Variants in TLE1 observed in about 807,000 individuals in gnomAD.
TLE1 encodes the protein TLE family member 1, transcriptional corepressor.
TLE1 carries 21 observed loss-of-function variants against 89.8 expected under a neutral mutation model. The observed-to-expected ratio is 0.23, with a 90% CI of 0.17 to 0.34. The LOEUF (loss-of-function observed/expected upper bound fraction) is 0.34. Among genes scored for constraint, TLE1 ranks in the 10% least tolerant of loss-of-function variants. The pLI is 1.00. For missense variants in TLE1, 795 were observed against 1,031.2 expected (o/e 0.77, Z 3.14); for synonymous variants, 447 against 407.6 (o/e 1.10, Z -1.16).
intron 2 of TLE1, among the ~76,000 whole-genome samples, chr9:81,686,197 C>T (rs1402083193): frequency 6.6e-6 from 1 of 152,196 alleles, no homozygotes; most frequent in African/African-American, 2.4e-5. Context: ...CCCTACCTTC[C>T]TGCATCAGTT....
intron 6 of TLE1, among the ~76,000 whole-genome samples, chr9:81,634,597 C>T (rs757562634): frequency 1.3e-5 from 2 of 152,120 alleles, no homozygotes; most frequent in Non-Finnish European, 2.9e-5. Context: ...TCACTCACTC[C>T]GAGAGGGGAG....
intron 14 of TLE1, among the ~76,000 whole-genome samples, chr9:81,593,536 C>T (rs1829830237): frequency 6.6e-6 from 1 of 152,072 alleles, no homozygotes. Flanking sequence ...ATTGTTCTTA[C>T]CCATTCTGTA....
rs773745224 is a variant in TLE1 at position 81,613,380 on chromosome 9, C to A, written c.1060G>T (p.Ala354Ser). The stretch of plus-strand genomic sequence containing the variant: ...ACAACAAGAGGCGATGCTGTACCCG[C>A]TTGGTTAACGAGGGGGTCTATGGCT... ...PPAIDPLVNQ[A>S]AAGLRTPLAV... Residue 354 changes from alanine to serine, a missense_variant, in exon 12 of 20, where the codon GCG becomes TCG. Physicochemically the swap from Ala to Ser is moderately conservative, Grantham distance 99. Transcript: ENST00000376499. 6.2e-7 allele frequency: 1 copy of A among 1,613,792 alleles called. No individual in the cohort carries two copies. Among genetic ancestry groups the A allele is most frequent in the South Asian group, 1.1e-5 (1 of 91,032 alleles).
intron 16 of TLE1, among the ~76,000 whole-genome samples, chr9:81,589,842 C>T (rs1829222917): frequency 6.6e-6 from 1 of 152,152 alleles, no homozygotes; most frequent in Non-Finnish European, 1.5e-5. Flanking sequence ...CCATTTTGCT[C>T]ACCTACACTA....
intron 4 of TLE1, among the ~76,000 whole-genome samples, chr9:81,679,034 G>C (rs763411738): frequency 2.6e-5 from 4 of 152,118 alleles, no homozygotes; most frequent in Admixed American, 6.5e-5. Context: ...TGTAATCCCA[G>C]CTATTCCAGA....
chr9:81,612,467 T>C (rs1416779039), intron 12 of TLE1: 5 of 722,568 alleles, frequency 6.9e-6, no homozygotes, highest in Non-Finnish European at 8.5e-6. Flanking sequence ...GCCCAGGTTG[T>C]TGCTTTTTTC....
intron 16 of TLE1, among the ~76,000 whole-genome samples, chr9:81,590,232 A>G (rs1430622097): frequency 1.3e-5 from 2 of 152,224 alleles, no homozygotes; most frequent in African/African-American, 4.8e-5. Flanking sequence ...GGGTACCAGA[A>G]CTGCAGCTGC....
Position 81,623,568 on chromosome 9 carries a change from A to G in TLE1, c.595-3011T>C, listed in dbSNP as rs1253268512. Among the ~76,000 whole-genome samples, 3 of 151,116 alleles carry G rather than the reference A, an allele frequency of 2.0e-5. No individual in the cohort carries two copies. The East Asian group carries it at 5.9e-4, about 30-fold the overall frequency. On this transcript the variant is annotated intron_variant, in intron 8 of 19. Transcript: ENST00000376499. ...CCGAGGCAGGCAGATCGCCTGTGAA[A>G]AGGAGTTCGAGACCAGCCTGGCCAA...
intron 11 of TLE1, among the ~76,000 whole-genome samples, chr9:81,615,581 C>T (rs889752890): frequency 4.7e-5 from 7 of 148,170 alleles, no homozygotes; most frequent in African/African-American, 1.7e-4. Context: ...GGCATGGTCG[C>T]GCGCGCCTGT....
intron 12 of TLE1, chr9:81,612,170 G>C: frequency 1.6e-6 from 1 of 644,648 alleles, no homozygotes; most frequent in Non-Finnish European, 2.2e-6. Context: ...GACTCCAGGG[G>C]AAGCACAACC....
intron 4 of TLE1, among the ~76,000 whole-genome samples, chr9:81,667,682 G>A (rs1017820593): frequency 6.6e-6 from 1 of 151,488 alleles, no homozygotes; most frequent in Non-Finnish European, 1.5e-5. Flanking sequence ...TGAAACTTCA[G>A]CGGGGAAGTC....
chr9:81,684,006 T>C (rs909359949), intron 4 of TLE1, among the ~76,000 whole-genome samples: 1 of 152,134 alleles, frequency 6.6e-6, no homozygotes, highest in Non-Finnish European at 1.5e-5. Flanking sequence ...GCATATAGCA[T>C]CACACTGAGG....
At chr9:81,687,630 A>G (rs960501826) in intron 1 of TLE1, among the ~76,000 whole-genome samples, 196 bp from the exon 2 acceptor site, 1 of 152,094 alleles carries the variant, frequency 6.6e-6, no homozygotes, top group Non-Finnish European at 1.5e-5. Context: ...GCTTCTAAAG[A>G]GGCTCGGAAG....
At chr9:81,683,889 C>A (rs1833928480) in intron 4 of TLE1, among the ~76,000 whole-genome samples, 1 of 152,146 alleles carries the variant, frequency 6.6e-6, no homozygotes, top group South Asian at 2.1e-4. Flanking sequence ...TGACCCACTT[C>A]ACCCCTTCTC....
intron 4 of TLE1, among the ~76,000 whole-genome samples, chr9:81,660,913 G>A (rs1243331021): frequency 4.3e-5 from 6 of 138,836 alleles, no homozygotes; most frequent in Admixed American, 1.5e-4. Context: ...TGGCTAACAC[G>A]GTGAAACCCC....
intron 6 of TLE1, among the ~76,000 whole-genome samples, chr9:81,640,710 A>G (rs564974352): frequency 5.8e-4 from 88 of 152,366 alleles, no homozygotes; most frequent in African/African-American, 2.1e-3. Flanking sequence ...TGGGTCAATT[A>G]TATTACTATA....
chr9:81,615,784 T>C (rs945932796), intron 11 of TLE1, among the ~76,000 whole-genome samples, 198 bp downstream of exon 11: 1 of 151,066 alleles, frequency 6.6e-6, no homozygotes, highest in Non-Finnish European at 1.5e-5. Context: ...CCTCTAATCA[T>C]GGCCGAAAAG....
chr9:81,596,544 G>A (rs959679257), intron 14 of TLE1, among the ~76,000 whole-genome samples: 3 of 152,172 alleles, frequency 2.0e-5, no homozygotes, highest in Middle Eastern at 3.2e-3. Context: ...AGGGATCCCA[G>A]AAGGAAACTT....
intron 4 of TLE1, among the ~76,000 whole-genome samples, chr9:81,660,174 CTT>C (rs1245527482): frequency 2.0e-5 from 3 of 152,088 alleles, no homozygotes; most frequent in African/African-American, 4.8e-5. Flanking sequence ...TGACACATTT[CTT>C]TGCCGTACCT....
Sources: gnomAD v4.1 joint callset for allele counts (sites outside exome capture counted in the v4.1 genomes callset) on GRCh38, gnomAD v4.1.1 for gene constraint, MANE v1.5 for transcripts, NCBI Gene and HGNC (gene_info 2026-07-23, HGNC 2026-07-21) for gene names.